Variants in SHPRH observed in about 807,000 individuals in gnomAD.
SHPRH encodes SNF2 histone linker PHD RING helicase, also known as E3 ubiquitin-protein ligase SHPRH.
SHPRH carries 106 observed loss-of-function variants against 202.5 expected under a neutral mutation model. The observed-to-expected ratio is 0.52, with a 90% CI of 0.45 to 0.62. The LOEUF (loss-of-function observed/expected upper bound fraction) is 0.62. Ranked by LOEUF, SHPRH falls within the 20% of genes least tolerant of loss-of-function variation. The probability of loss-of-function intolerance (pLI) is 0.00; values close to 1 mark genes in which losing one functional copy is unlikely to be tolerated. For missense variants in SHPRH, 1,710 were observed against 2,020.0 expected (o/e 0.85, Z 2.94); for synonymous variants, 729 against 686.0 (o/e 1.06, Z -0.98).
Position 145,893,225 on chromosome 6 carries a change from C to T in SHPRH, c.4864G>A (p.Gly1622Arg). 1 of 1,535,882 alleles carries T rather than the reference C, an allele frequency of 6.5e-7. No individual in the cohort carries two copies. The highest frequency in any genetic ancestry group is 8.7e-7 in the Non-Finnish European group (1 of 1,146,678). ...LQAIGRVHRI[G>R]QTKPTIVHRF... ...AATTTTAGTCCTTACTTTGTCTGTCCAATTCGGTGCACCCTCCCTATGGCC... is the reference window on the plus strand; with the variant it reads ...AATTTTAGTCCTTACTTTGTCTGTCTAATTCGGTGCACCCTCCCTATGGCC... The change falls in exon 28 of 30, where the codon GGA becomes AGA. Residue 1622 changes from glycine (G) to arginine (R), a missense_variant. Around this residue, in one of 8 missense-constraint regions of SHPRH, gnomAD observed 306 missense variants for 479.5 expected, o/e 0.64. Transcript: ENST00000275233.
chr6:145,905,897 T>C (rs1017509148), intron 25 of SHPRH: 1 of 151,992 alleles, frequency 6.6e-6, no homozygotes, highest in Admixed American at 6.6e-5. Flanking sequence ...CTCTAATTTT[T>C]CTCCTTTCAC....
intron 6 of SHPRH, 90 bp downstream of exon 6, chr6:145,947,403 T>C (rs1787502941): frequency 2.8e-6 from 4 of 1,413,476 alleles, no homozygotes; most frequent in East Asian, 4.8e-5. Context: ...ACAGAAAGTG[T>C]TGACTTAAGT....
intron 6 of SHPRH, 51 bp downstream of exon 6, chr6:145,947,442 T>C: frequency 6.3e-7 from 1 of 1,577,468 alleles, no homozygotes; most frequent in Non-Finnish European, 8.6e-7. Context: ...ATACGATGCT[T>C]TTCGAGAACA....
At chr6:145,945,692 T>G (rs1562360058) in intron 7 of SHPRH, 55 bp from the exon 8 acceptor site, 1 of 1,500,414 alleles carries the variant, frequency 6.7e-7, no homozygotes, top group African/African-American at 1.4e-5. Flanking sequence ...GAAAAGAAAG[T>G]AAAACTTGGT....
At chr6:145,873,033 G>C (rs1780125097) in intron 2 of SHPRH, among the ~76,000 whole-genome samples, 1 of 152,156 alleles carries the variant, frequency 6.6e-6, no homozygotes, top group Admixed American at 6.5e-5. Context: ...GGGTGTGTTG[G>C]AGAGTAGGGA....
At chr6:145,920,167 A>C (rs932573152) in intron 21 of SHPRH, among the ~76,000 whole-genome samples, 2 of 152,240 alleles carry the variant, frequency 1.3e-5, no homozygotes, top group South Asian at 4.1e-4. Context: ...TCTGGTAGAT[A>C]TGTACAGCAG....
intron 17 of SHPRH, 71 bp downstream of exon 17, chr6:145,924,668 C>G: frequency 7.4e-7 from 1 of 1,352,080 alleles, no homozygotes; most frequent in Non-Finnish European, 1.1e-6. Context: ...AGTTTCTCCC[C>G]ACCAAAAAAC....
downstream of SHPRH, chr6:145,883,112 A>G (rs2128702086): frequency 6.6e-6 from 1 of 152,342 alleles, no homozygotes; most frequent in East Asian, 1.9e-4. Flanking sequence ...TTTGATAAGC[A>G]GGGAAAAAGT....
At chr6:145,912,238 A>G (rs1475800454) in intron 24 of SHPRH, among the ~76,000 whole-genome samples, 1 of 151,808 alleles carries the variant, frequency 6.6e-6, no homozygotes, top group East Asian at 1.9e-4. Flanking sequence ...CCTAAATTAG[A>G]AGGGGGGAGA....
At chr6:145,888,766 G>A (rs1344606396) in intron 28 of SHPRH, among the ~76,000 whole-genome samples, 1 of 152,168 alleles carries the variant, frequency 6.6e-6, no homozygotes. Flanking sequence ...AGCCAGTTAA[G>A]AAGTCCTGTA....
chr6:145,936,013 G>A (rs1421037052), intron 11 of SHPRH, among the ~76,000 whole-genome samples: 1 of 152,100 alleles, frequency 6.6e-6, no homozygotes, highest in African/African-American at 2.4e-5. Flanking sequence ...ATAAATTATA[G>A]TAATCCCACA....
At chr6:145,954,651 A>T (rs1788316093) in intron 2 of SHPRH, 39 bp downstream of exon 2, 2 of 1,530,384 alleles carry the variant, frequency 1.3e-6, no homozygotes, top group African/African-American at 2.8e-5. Flanking sequence ...CTGCCAATGT[A>T]GAAGAGCCTC....
In SHPRH at chr6:145,867,583, G is replaced by C. The variant is rs941245909; in HGVS notation, c.222-3092C>G. ...GTGAACCTGGGCAACAGAGTCACAC[G>C]CTGTCTTCAAAAAAGAATATATATA... On this transcript the variant is annotated intron_variant, in intron 2 of 2. Transcript: ENST00000417762. Among the ~76,000 whole-genome samples, 11 of 96,882 alleles carry C rather than the reference G, an allele frequency of 1.1e-4. 1 individual carries two copies. The Admixed American group carries it at 1.5e-3, about 13-fold the overall frequency. 63.6% of individuals were successfully genotyped at this position (96,882 alleles called of 152,430 possible).
intron 22 of SHPRH, 58 bp from the exon 23 acceptor site, chr6:145,918,290 T>G: frequency 9.0e-7 from 1 of 1,112,908 alleles, no homozygotes; most frequent in Non-Finnish European, 1.2e-6. Context: ...TTAAATTATA[T>G]TAAATATGGA....
At chr6:145,931,270 G>C (rs1785409936) in intron 14 of SHPRH, among the ~76,000 whole-genome samples, 1 of 151,786 alleles carries the variant, frequency 6.6e-6, no homozygotes, top group Non-Finnish European at 1.5e-5. Flanking sequence ...CTACCATCTT[G>C]CTGTTTGTTT....
At chr6:145,910,422 T>C (rs376764832) in intron 25 of SHPRH, 26 bp downstream of exon 25, 30 of 1,609,992 alleles carry the variant, frequency 1.9e-5, no homozygotes, top group Non-Finnish European at 2.5e-5. Context: ...TTACCTATGC[T>C]TCTATGTGTT....
intron 8 of SHPRH, 120 bp from the exon 9 acceptor site, chr6:145,943,922 C>T: frequency 1.0e-6 from 1 of 962,368 alleles, no homozygotes. Context: ...ACCCTTTTCC[C>T]TGAGGAGAAT....
Position 145,893,231 on chromosome 6 carries a change from G to A in SHPRH, c.4858C>T (p.Arg1620Ter), listed in dbSNP as rs1164656828. ...AGTCCTTACTTTGTCTGTCCAATTC[G>A]GTGCACCCTCCCTATGGCCTGAAGC... ...HELQAIGRVH[R>*]IGQTKPTIVH... Residue 1620 changes from arginine (R) to a stop codon, truncating the protein, a stop_gained, in exon 28 of 30, where the codon CGA becomes TGA. Coordinates refer to ENST00000275233, the MANE Select transcript of SHPRH (RefSeq NM_001042683.3). LOFTEE classifies it high-confidence loss of function. 8 of 1,549,534 alleles carry A rather than the reference G, an allele frequency of 5.2e-6. No homozygotes were observed. Among genetic ancestry groups the A allele is most frequent in the East Asian group, 2.4e-5 (1 of 42,464 alleles).
At chr6:145,931,583 G>C (rs575830376) in intron 14 of SHPRH, among the ~76,000 whole-genome samples, 1 of 152,204 alleles carries the variant, frequency 6.6e-6, no homozygotes, top group Admixed American at 6.5e-5. Flanking sequence ...TGATCTGCCT[G>C]CCTCGGCTTC....
Sources: allele counts gnomAD v4.1 joint callset (sites outside exome capture counted in the v4.1 genomes callset), GRCh38; gene constraint gnomAD v4.1.1; regional missense constraint gnomAD v4.1.1; transcripts MANE v1.5; gene names NCBI Gene and HGNC (gene_info 2026-07-23, HGNC 2026-07-21).